The following DHX34 variants were observed in gnomAD, a reference collection of about 807,000 sequenced individuals.
The protein encoded by DHX34 is probable ATP-dependent RNA helicase DHX34.
Under a neutral mutation model 111.1 loss-of-function variants are expected in DHX34, and 96 were observed. The observed-to-expected ratio is 0.86, with a 90% confidence interval of 0.73 to 1.02. The LOEUF is 1.02. Ranked by LOEUF, DHX34 falls within the 50% of genes least tolerant of loss-of-function variation. DHX34 has a pLI of 0.00. For synonymous variants in DHX34, 688 were observed against 670.4 expected, an observed-to-expected ratio of 1.03 and a Z score of -0.41; for missense variants, 1,560 against 1,579.9, an observed-to-expected ratio of 0.99 and a Z score of 0.21.
chr19:47,381,886 AG>A, intron 16 of DHX34, 93 bp from the exon 17 acceptor site: 1 of 1,578,284 alleles, frequency 6.3e-7, no homozygotes, highest in Admixed American at 2.0e-5. Flanking sequence ...AGGCCAGGAG[AG>A]AACCTGAGCC....
intron 7 of DHX34, 102 bp from the exon 8 acceptor site, chr19:47,372,628 G>T: frequency 6.9e-7 from 1 of 1,445,948 alleles, no homozygotes; most frequent in East Asian, 2.6e-5. Flanking sequence ...TGGAGGGGGT[G>T]GGAGCAGGAG....
At chr19:47,350,526 A>G (rs552118285) in intron 1 of DHX34, among the ~76,000 whole-genome samples, 1 of 151,444 alleles carries the variant, frequency 6.6e-6, no homozygotes, top group Non-Finnish European at 1.5e-5. Context: ...GGTTCAAGCG[A>G]GTCTCCTGCC....
intron 6 of DHX34, among the ~76,000 whole-genome samples, chr19:47,366,328 T>C (rs1969784501): frequency 6.6e-6 from 1 of 152,202 alleles, no homozygotes; most frequent in Non-Finnish European, 1.5e-5. Context: ...TGGCCCAGGC[T>C]GGAGTGCAGT....
intron 7 of DHX34, among the ~76,000 whole-genome samples, chr19:47,370,561 C>T (rs1386986405): frequency 6.6e-6 from 1 of 152,244 alleles, no homozygotes; most frequent in Non-Finnish European, 1.5e-5. Flanking sequence ...TGTGTGTTAA[C>T]ACCATTAAAG....
chr19:47,375,819 A>G (rs1046014972), intron 10 of DHX34, 105 bp from the exon 11 acceptor site: 61 of 1,546,246 alleles, frequency 3.9e-5, no homozygotes, highest in Non-Finnish European at 4.0e-5. Flanking sequence ...CCGGGTTTCC[A>G]TGGACGGTGC....
At chr19:47,369,044 A>G (rs917871916) in intron 7 of DHX34, among the ~76,000 whole-genome samples, 1 of 152,066 alleles carries the variant, frequency 6.6e-6, no homozygotes. Flanking sequence ...CGCCTGGCTA[A>G]TTTTTGTATT....
intron 7 of DHX34, among the ~76,000 whole-genome samples, chr19:47,369,269 A>G (rs1027104871): frequency 6.6e-6 from 1 of 152,024 alleles, no homozygotes; most frequent in African/African-American, 2.4e-5. Flanking sequence ...TGCCTCCCAA[A>G]GTGCTGGGAT....
chr19:47,366,312 A>T (rs1212357231), intron 6 of DHX34, among the ~76,000 whole-genome samples: 2 of 152,016 alleles, frequency 1.3e-5, no homozygotes, highest in Non-Finnish European at 2.9e-5. Context: ...ATAGAATCTC[A>T]CTCTGTGGCC....
At chr19:47,381,688 G>T in intron 16 of DHX34, 1 of 680,640 alleles carries the variant, frequency 1.5e-6, no homozygotes, top group Non-Finnish European at 2.3e-6. Context: ...GGGGTTCAGT[G>T]GGGGAGATAG....
intron 12 of DHX34, 78 bp from the exon 13 acceptor site, chr19:47,377,022 G>T: frequency 1.2e-6 from 2 of 1,606,952 alleles, no homozygotes; most frequent in South Asian, 2.2e-5. Flanking sequence ...TGTGTACTTT[G>T]ACCGGGTGGG....
At position 47,376,066 on chromosome 19, in the gene DHX34, C is replaced by T. The variant is rs1006524348; in HGVS notation, c.2450C>T (p.Ala817Val). The T allele has an allele frequency of 6.4e-7, 1 of 1,574,790 alleles. No homozygotes were observed. The highest frequency in any genetic ancestry group is 8.6e-7 in the Non-Finnish European group (1 of 1,163,448). Residue 817 changes from alanine to valine, a missense_variant, in exon 11 of 17, where the codon GCC becomes GTC. Ala to Val is a moderately conservative substitution (Grantham distance 64, BLOSUM62 0). Coordinates refer to ENST00000328771, the MANE Select transcript of DHX34 (RefSeq NM_014681.6). ...TACCCACAGCTGGCCGTCCCCGACG[C>T]CTTCAACAGCAGCCGAAAGGACTCA... ...GLYPQLAVPD[A>V]FNSSRKDSDQ...
chr19:47,378,415 G>C lies in DHX34; in HGVS notation c.2706+1209G>C, dbSNP rs142959924. 4.7e-3 allele frequency among the ~76,000 whole-genome samples: 713 copies of C among 152,350 alleles called. 6 individuals carry two copies. The highest frequency in any genetic ancestry group is 0.016 in the African/African-American group (668 of 41,578). The stretch of plus-strand genomic sequence containing the variant: ...ACGGCAAACCAAAAGGGTGATGCCA[G>C]GTGCTCATGTGAGCATGGGAAAGCA... On this transcript the variant is annotated intron_variant, in intron 13 of 16. Transcript: ENST00000328771.
chr19:47,365,054 C>T (rs1259689398), intron 6 of DHX34, among the ~76,000 whole-genome samples: 1 of 152,012 alleles, frequency 6.6e-6, no homozygotes, highest in Non-Finnish European at 1.5e-5. Context: ...CTCTTGTCAG[C>T]AGAACCGGGT....
chr19:47,353,836 T>C lies in DHX34; in HGVS notation c.705+101T>C. On this transcript the variant is annotated intron_variant, in intron 2 of 16. Coordinates refer to ENST00000328771, the MANE Select transcript of DHX34 (RefSeq NM_014681.6). The surrounding 1 kb of genome is among the most constrained non-coding windows in gnomAD (Gnocchi z 4.6). ...ATCAATAAAAATGAAGCACTTACCC[T>C]TGGACCCAGCGATGATTCTTCTAGA... 8.8e-7 allele frequency: 1 copy of C among 1,137,272 alleles called. No individual in the cohort carries two copies. Among genetic ancestry groups the C allele is most frequent in the South Asian group, 1.7e-5 (1 of 60,394 alleles). The allele number at this position is 1,137,272 out of a possible 1,614,324, so 70.4% of individuals were successfully genotyped here.
chr19:47,373,658 G>T lies in DHX34; in HGVS notation c.2022G>T (p.Glu674Asp). 1 of 1,614,078 alleles carries T rather than the reference G, an allele frequency of 6.2e-7. No individual in the cohort carries two copies. The highest frequency in any genetic ancestry group is 8.5e-7 in the Non-Finnish European group (1 of 1,179,994). The change falls in exon 9 of 17, where the codon GAG becomes GAT. Residue 674 changes from glutamate to aspartate, a missense_variant. Transcript: ENST00000328771. Reference sequence around the variant, plus strand: ...GGTGCCGCCGCCGGGGCATAGAGGAGCATCGACTGTACGAAATGGCCAACC... The same window carrying T: ...GGTGCCGCCGCCGGGGCATAGAGGATCATCGACTGTACGAAATGGCCAACC... ...RKWCRRRGIE[E>D]HRLYEMANLR...
chr19:47,366,567 C>T (rs1373533939), intron 6 of DHX34, among the ~76,000 whole-genome samples: 1 of 150,712 alleles, frequency 6.6e-6, no homozygotes, highest in Non-Finnish European at 1.5e-5. Context: ...AGGCATGAGC[C>T]ACTGTGCCTG....
chr19:47,355,073 C>T lies in DHX34; in HGVS notation c.740C>T (p.Ser247Leu), dbSNP rs201412368. 22 of 1,613,902 alleles carry T rather than the reference C, an allele frequency of 1.4e-5. No individual in the cohort carries two copies. The highest frequency in any genetic ancestry group is 1.3e-4 in the East Asian group (6 of 44,876). Residue 247 changes from serine to leucine, a missense_variant, in exon 3 of 17, where the codon TCG becomes TTG. By Grantham distance (145) the Ser-to-Leu change is moderately radical. Transcript: ENST00000328771. The part of the protein sequence containing the change: ...GYQIRFESTR[S>L]AATKIVFLTV... The stretch of plus-strand genomic sequence containing the variant: ...CAGATCCGCTTTGAGAGCACACGTT[C>T]GGCGGCCACCAAGATTGTATTCCTG...
intron 12 of DHX34, 58 bp downstream of exon 12, chr19:47,376,618 G>A (rs1239537589): frequency 9.1e-6 from 14 of 1,531,446 alleles, no homozygotes; most frequent in African/African-American, 6.9e-5. Context: ...CAGGGATACC[G>A]TGAACTCCCA....
chr19:47,354,289 C>T (rs1045367960), intron 2 of DHX34, among the ~76,000 whole-genome samples: 13 of 152,088 alleles, frequency 8.5e-5, no homozygotes, highest in African/African-American at 3.1e-4. Flanking sequence ...ACGATCACTG[C>T]AATGCAAACT....
Sources: gnomAD v4.1 joint callset for allele counts (sites outside exome capture counted in the v4.1 genomes callset) on GRCh38, gnomAD v4.1.1 for gene constraint, Gnocchi (gnomAD v3.1) non-coding constraint, MANE v1.5 for transcripts, NCBI Gene and HGNC (gene_info 2026-07-23, HGNC 2026-07-21) for gene names.